The following RIT1 variants were observed in gnomAD, a reference collection of about 807,000 sequenced individuals.
The protein encoded by RIT1 is Ras like without CAAX 1, also known as GTP-binding protein Rit1.
A neutral mutation model predicts 25.6 loss-of-function variants in RIT1; 6 were observed. The ratio of observed to expected loss-of-function variants is 0.23; its 90% CI spans 0.13 to 0.46. RIT1 has a LOEUF of 0.46. Ranked by LOEUF, RIT1 falls within the 20% of genes least tolerant of loss-of-function variation. The probability of loss-of-function intolerance (pLI) is 0.99; values close to 1 mark genes in which losing one functional copy is unlikely to be tolerated. For missense variants in RIT1, 219 were observed against 284.4 expected, an observed-to-expected ratio of 0.77 and a Z score of 1.65; for synonymous variants, 81 against 94.1, an observed-to-expected ratio of 0.86 and a Z score of 0.80.
intron 5 of RIT1, among the ~76,000 whole-genome samples, chr1:155,902,947 G>A (rs569133806): frequency 2.6e-5 from 4 of 151,166 alleles, no homozygotes; most frequent in Admixed American, 2.0e-4. Context: ...AAGATCATGA[G>A]GTCAGGAGTT....
rs1553228287 is a variant in RIT1 at position 155,899,405 on chromosome 1, C to T, written c.*983G>A. 4.4e-6 allele frequency: 1 copy of T among 226,722 alleles called. No homozygotes were observed. The highest frequency in any genetic ancestry group is 8.8e-6 in the Non-Finnish European group (1 of 113,726). 14.0% of individuals were successfully genotyped at this position (226,722 alleles called of 1,614,324 possible). On this transcript the variant is annotated 3_prime_UTR_variant, in exon 6 of 6. Coordinates refer to ENST00000368323, the MANE Select transcript of RIT1 (RefSeq NM_006912.6). ...CACACACACAATTTTACCCACACCC[C>T]TGATGTCTCTTCTGTATGGAAAATG... is the stretch of plus-strand genomic sequence containing the variant.
rs751738914 is a variant in RIT1, at chr1:155,910,785, T to G, written c.-24A>C. ...ATTGTCCTCTTGGGGCCTTCCTCGG[T>G]TGCCCCGAGGAAAAGCCACCTAGAA... On this transcript the variant is annotated 5_prime_UTR_variant, in exon 2 of 6. Coordinates refer to ENST00000368323, the MANE Select transcript of RIT1 (RefSeq NM_006912.6). 3.1e-6 allele frequency: 5 copies of G among 1,614,030 alleles called. No individual in the cohort carries two copies. The highest frequency in any genetic ancestry group is 3.4e-6 in the Non-Finnish European group (4 of 1,180,018).
At chr1:155,904,257 C>A in intron 5 of RIT1, 54 bp downstream of exon 5, 1 of 1,351,458 alleles carries the variant, frequency 7.4e-7, no homozygotes, top group Non-Finnish European at 1.0e-6. Flanking sequence ...AGCCAAGAAA[C>A]AAAAATGACT....
rs1447720171 is a variant in RIT1, at chr1:155,899,139, C to T, written c.*1249G>A. The T allele has an allele frequency of 9.7e-6, 2 of 206,584 alleles. No homozygotes were observed. Among genetic ancestry groups the T allele is most frequent in the African/African-American group, 4.6e-5 (2 of 43,822 alleles). 12.8% of individuals were successfully genotyped at this position (206,584 alleles called of 1,614,324 possible). ...GACAACTCACTACCAATATTTAAAG[C>T]TGTTTCCTCCTAGGACTACAGTTCC... On this transcript the variant is annotated 3_prime_UTR_variant, in exon 6 of 6. Coordinates refer to ENST00000368323, the MANE Select transcript of RIT1 (RefSeq NM_006912.6).
At chr1:155,905,398 C>T (rs1304515954) in intron 3 of RIT1, among the ~76,000 whole-genome samples, 1 of 151,906 alleles carries the variant, frequency 6.6e-6, no homozygotes, top group Non-Finnish European at 1.5e-5. Flanking sequence ...TAGGATTTTG[C>T]AATGTTGTCC....
Position 155,904,514 on chromosome 1 carries a change from C to A in RIT1, c.238-12G>T. On this transcript the variant is annotated splice_polypyrimidine_tract_variant and intron_variant, in intron 4 of 5. Coordinates refer to ENST00000368323, the MANE Select transcript of RIT1 (RefSeq NM_006912.6). ...GCTGTAAACTCTGCCTAGAGGGAAA[C>A]AAGGGTCATTATGTATTGACGCAAT... 6.2e-7 allele frequency: 1 copy of A among 1,607,092 alleles called. No homozygotes were observed. The highest frequency in any genetic ancestry group is 8.5e-7 in the Non-Finnish European group (1 of 1,174,304).
chr1:155,900,659 A>G (rs778972674), intron 5 of RIT1, 41 bp from the exon 6 acceptor site: 2 of 1,552,920 alleles, frequency 1.3e-6, no homozygotes, highest in East Asian at 4.5e-5. Context: ...AGTGAAAAAC[A>G]ATTAAATTGT....
At position 155,910,749 on chromosome 1, in the gene RIT1, T is replaced by A. The variant is rs771768320; in HGVS notation, c.13A>T (p.Thr5Ser). ...CTACAGCAGCTACCAACTGGGCGAG[T>A]TCCAGAATCCATTGTCCTCTTGGGG... MDSG[T>S]RPVGSCCSSP... The change falls in exon 2 of 6, where the codon ACT becomes TCT. Residue 5 changes from threonine to serine, a missense_variant. Transcript: ENST00000368323. 5 of 1,614,098 alleles carry A rather than the reference T, an allele frequency of 3.1e-6. No homozygotes were observed. In the Admixed American group the frequency reaches 6.7e-5, roughly 22 times the overall value.
chr1:155,904,120 T>C (rs1673377903), intron 5 of RIT1, among the ~76,000 whole-genome samples, 191 bp downstream of exon 5: 1 of 152,176 alleles, frequency 6.6e-6, no homozygotes, highest in East Asian at 1.9e-4. Context: ...CTCAGGCTGG[T>C]CTCAAACTCC....
intron 5 of RIT1, among the ~76,000 whole-genome samples, chr1:155,902,361 C>CA (rs199556134): frequency 0.3 from 41,309 of 137,712 alleles, 6,127 homozygotes; most frequent in East Asian, 0.64. Context: ...GCTTTTATAT[C>CA]AAAAAAAAAA....
Position 155,900,625 on chromosome 1 carries a change from G to A in RIT1, c.430-7C>T, listed in dbSNP as rs1749409. On this transcript the variant is annotated splice_region_variant and splice_polypyrimidine_tract_variant and intron_variant, in intron 5 of 5. Coordinates refer to ENST00000368323, the MANE Select transcript of RIT1 (RefSeq NM_006912.6). ...ATCCTTCTTCCTTGGTGACCTTTAA[G>A]GGCAAAATGTGAGAAAAGATAACAG... is the stretch of plus-strand genomic sequence containing the variant. 1,454,886 of 1,613,008 alleles carry A rather than the reference G, an allele frequency of 0.9. 662,209 individuals carry two copies. The highest frequency in any genetic ancestry group is 0.94 in the East Asian group (42,381 of 44,892).
chr1:155,899,674 A>T lies in RIT1; in HGVS notation c.*714T>A, dbSNP rs949221030. 4.4e-6 allele frequency: 1 copy of T among 225,866 alleles called. No homozygotes were observed. Among genetic ancestry groups the T allele is most frequent in the Non-Finnish European group, 8.8e-6 (1 of 113,448 alleles). 14.0% of individuals were successfully genotyped at this position (225,866 alleles called of 1,614,324 possible). ...AAAAAAAGAAAACCCTGAAATGAAGAGTAAAATAAGGTTCCCAGGAGAAAC... is the reference window on the plus strand; with the variant it reads ...AAAAAAAGAAAACCCTGAAATGAAGTGTAAAATAAGGTTCCCAGGAGAAAC... On this transcript the variant is annotated 3_prime_UTR_variant, in exon 6 of 6. Coordinates refer to ENST00000368323, the MANE Select transcript of RIT1 (RefSeq NM_006912.6).
chr1:155,911,058 A>T, intron 1 of RIT1, 185 bp downstream of exon 1: 1 of 842,096 alleles, frequency 1.2e-6, no homozygotes, highest in Non-Finnish European at 1.9e-6. Context: ...AGATACAAAT[A>T]AATTTACGTC....
At chr1:155,910,886 A>C (rs759512736) in intron 1 of RIT1, 82 bp from the exon 2 acceptor site, 3 of 1,575,862 alleles carry the variant, frequency 1.9e-6, no homozygotes, top group Non-Finnish European at 2.6e-6. Flanking sequence ...ACCTTTCCAT[A>C]CATATTCTGG....
chr1:155,908,607 G>C (rs1673504933), intron 3 of RIT1, among the ~76,000 whole-genome samples: 1 of 147,738 alleles, frequency 6.8e-6, no homozygotes, highest in African/African-American at 2.5e-5. Flanking sequence ...TTATCCCCCA[G>C]GCTGGAGTGT....
chr1:155,905,626 A>C (rs531258940), intron 3 of RIT1, among the ~76,000 whole-genome samples: 8 of 152,286 alleles, frequency 5.3e-5, no homozygotes, highest in African/African-American at 1.7e-4. Context: ...CAATAATCAC[A>C]ATAATCCAAT....
chr1:155,910,896 G>A, intron 1 of RIT1, 92 bp from the exon 2 acceptor site: 1 of 1,565,738 alleles, frequency 6.4e-7, no homozygotes, highest in Non-Finnish European at 8.7e-7. Context: ...ACATATTCTG[G>A]CCTGTCCCTC....
At chr1:155,908,267 AAC>A (rs1324235136) in intron 3 of RIT1, among the ~76,000 whole-genome samples, 1 of 151,964 alleles carries the variant, frequency 6.6e-6, no homozygotes, top group East Asian at 2.0e-4. Flanking sequence ...CATCCTGGCT[AAC>A]ACAGTGAAAC....
intron 3 of RIT1, among the ~76,000 whole-genome samples, chr1:155,908,639 T>C (rs1290409969): frequency 1.3e-5 from 2 of 150,156 alleles, no homozygotes; most frequent in African/African-American, 4.9e-5. Flanking sequence ...CTCGGCTCAC[T>C]GCAACCTCCG....
Sources: gnomAD v4.1 joint callset for allele counts (sites outside exome capture counted in the v4.1 genomes callset) on GRCh38, gnomAD v4.1.1 for gene constraint, MANE v1.5 for transcripts, NCBI Gene and HGNC (gene_info 2026-07-23, HGNC 2026-07-21) for gene names.